Variants in PDZRN4 observed in about 807,000 individuals in gnomAD.
PDZRN4 encodes the protein PDZ domain-containing RING finger protein 4.
PDZRN4 carries 70 observed loss-of-function variants against 99.0 expected under a neutral mutation model. That is an observed-to-expected ratio of 0.71 (90% CI 0.58 to 0.86). The LOEUF (loss-of-function observed/expected upper bound fraction) is 0.86. PDZRN4 is among the 40% of genes least tolerant of loss of function. The probability of loss-of-function intolerance (pLI) is 0.00; values close to 1 mark genes in which losing one functional copy is unlikely to be tolerated. For missense variants in PDZRN4, 1,474 were observed against 1,331.2 expected, an observed-to-expected ratio of 1.11 and a Z score of -1.67; for synonymous variants, 551 against 501.6, an observed-to-expected ratio of 1.10 and a Z score of -1.32.
chr12:41,522,122 G>A (rs1396277939), intron 5 of PDZRN4, among the ~76,000 whole-genome samples: 1 of 152,136 alleles, frequency 6.6e-6, no homozygotes, highest in African/African-American at 2.4e-5. Flanking sequence ...TTTAAGCAAA[G>A]GTTGTAAATA....
At chr12:41,514,808 T>G (rs182637607) in intron 5 of PDZRN4, among the ~76,000 whole-genome samples, 1 of 152,126 alleles carries the variant, frequency 6.6e-6, no homozygotes, top group Non-Finnish European at 1.5e-5. Context: ...GTTCTTGGAG[T>G]CAGGAGTTTT....
At chr12:41,407,818 A>G (rs1446430438) in intron 3 of PDZRN4, among the ~76,000 whole-genome samples, 1 of 152,192 alleles carries the variant, frequency 6.6e-6, no homozygotes, top group South Asian at 2.1e-4. Context: ...GCGAGAAAAG[A>G]TGAGTCCAAG....
chr12:41,404,175 T>A (rs1354030767), intron 3 of PDZRN4, among the ~76,000 whole-genome samples: 1 of 152,182 alleles, frequency 6.6e-6, no homozygotes, highest in Non-Finnish European at 1.5e-5. Flanking sequence ...TTTGTATTGT[T>A]ATTTTTTCAA....
chr12:41,541,749 G>A (rs1938861687), intron 5 of PDZRN4, among the ~76,000 whole-genome samples: 1 of 152,188 alleles, frequency 6.6e-6, no homozygotes, highest in South Asian at 2.1e-4. Flanking sequence ...CACCACGCCC[G>A]GCCCTTCTAG....
intron 3 of PDZRN4, among the ~76,000 whole-genome samples, chr12:41,381,276 G>T (rs1289169771): frequency 6.6e-6 from 1 of 152,058 alleles, no homozygotes; most frequent in African/African-American, 2.4e-5. Flanking sequence ...CAAATTTGGA[G>T]AATTTCTTTA....
intron 3 of PDZRN4, chr12:41,412,513 A>G (rs962498718): frequency 6.6e-6 from 1 of 152,192 alleles, no homozygotes; most frequent in Non-Finnish European, 1.5e-5. Flanking sequence ...GAGACGGGTG[A>G]TAACAGGTGA....
intron 3 of PDZRN4, among the ~76,000 whole-genome samples, chr12:41,282,077 C>A (rs1316887104): frequency 6.6e-6 from 1 of 152,100 alleles, no homozygotes; most frequent in Admixed American, 6.5e-5. Context: ...CAAAGACTGG[C>A]AAATTCGATG....
intron 3 of PDZRN4, among the ~76,000 whole-genome samples, chr12:41,215,159 A>C (rs888044873): frequency 3.9e-5 from 6 of 152,032 alleles, no homozygotes; most frequent in Admixed American, 3.3e-4. Context: ...ACCTGGCTTG[A>C]ATTTCCACCA....
intron 3 of PDZRN4, chr12:41,411,412 G>T (rs895512356): frequency 2.6e-5 from 4 of 152,136 alleles, no homozygotes; most frequent in Non-Finnish European, 5.9e-5. Flanking sequence ...CCTCCCCTTA[G>T]GTTTCTCTGC....
chr12:41,421,998 G>A (rs1952494431), intron 3 of PDZRN4, among the ~76,000 whole-genome samples: 1 of 152,124 alleles, frequency 6.6e-6, no homozygotes, highest in Non-Finnish European at 1.5e-5. Flanking sequence ...GATGAGCAGA[G>A]TACCCACATG....
At chr12:41,394,787 G>C (rs1952235141) in intron 3 of PDZRN4, among the ~76,000 whole-genome samples, 1 of 152,006 alleles carries the variant, frequency 6.6e-6, no homozygotes, top group Non-Finnish European at 1.5e-5. Flanking sequence ...ATGAGAGAGA[G>C]AGAGAGAGAG....
intron 3 of PDZRN4, among the ~76,000 whole-genome samples, chr12:41,228,306 C>T (rs1270117860): frequency 6.6e-6 from 1 of 152,110 alleles, no homozygotes; most frequent in Non-Finnish European, 1.5e-5. Flanking sequence ...AAGGGAAATT[C>T]ATGAGGGTTT....
chr12:41,309,662 G>A (rs1951593727), intron 3 of PDZRN4, among the ~76,000 whole-genome samples: 1 of 152,012 alleles, frequency 6.6e-6, no homozygotes, highest in East Asian at 1.9e-4. Context: ...GTTAATGGCT[G>A]TAATATGTAA....
chr12:41,410,036 C>G (rs886641310), intron 3 of PDZRN4: 1 of 152,210 alleles, frequency 6.6e-6, no homozygotes, highest in Non-Finnish European at 1.5e-5. Flanking sequence ...CAAAGAAGAT[C>G]ACATTCTGAG....
chr12:41,254,034 C>CGTGTGT (rs3042934), intron 3 of PDZRN4, among the ~76,000 whole-genome samples: 1 of 149,262 alleles, frequency 6.7e-6, no homozygotes, highest in East Asian at 2.0e-4. Context: ...TATGTGTGTG[C>CGTGTGT]GTGTGTGTGT....
At chr12:41,484,756 T>C (rs1937742329) in intron 3 of PDZRN4, among the ~76,000 whole-genome samples, 1 of 152,190 alleles carries the variant, frequency 6.6e-6, no homozygotes, top group African/African-American at 2.4e-5. Flanking sequence ...GTAACCCTTA[T>C]GATTCTGTCT....
At chr12:41,438,060 T>A (rs372103531) in intron 3 of PDZRN4, 5 of 1,600,802 alleles carry the variant, frequency 3.1e-6, no homozygotes, top group Non-Finnish European at 4.3e-6. Flanking sequence ...GGCTTTGTGT[T>A]TGTCTGAAAG....
Position 41,573,595 on chromosome 12 carries a change from G to A in PDZRN4, c.2816G>A (p.Arg939His), listed in dbSNP as rs755141579. 5.0e-6 allele frequency: 8 copies of A among 1,613,578 alleles called. No individual in the cohort carries two copies. The highest frequency in any genetic ancestry group is 1.1e-5 in the South Asian group (1 of 91,060). ...DDTMSEMKMG[R>H]YWSKEERKQH... ...ACCATGAGCGAGATGAAAATGGGGC[G>A]CTACTGGAGCAAAGAGGAGAGAAAG... The change falls in exon 10 of 10, where the codon CGC becomes CAC. Residue 939 changes from arginine to histidine, a missense_variant. Coordinates refer to ENST00000402685, the MANE Select transcript of PDZRN4 (RefSeq NM_001164595.2).
chr12:41,509,292 G>A (rs1283226581), intron 4 of PDZRN4, among the ~76,000 whole-genome samples: 1 of 152,064 alleles, frequency 6.6e-6, no homozygotes, highest in African/African-American at 2.4e-5. Context: ...AGTGAGAAAG[G>A]GGGATCTTAA....
Sources: gnomAD v4.1 joint callset for allele counts (sites outside exome capture counted in the v4.1 genomes callset) on GRCh38, gnomAD v4.1.1 for gene constraint, MANE v1.5 for transcripts, NCBI Gene and HGNC (gene_info 2026-07-23, HGNC 2026-07-21) for gene names.